Variants in LTBP1 observed in about 807,000 individuals in gnomAD.
The protein encoded by LTBP1 is latent-transforming growth factor beta-binding protein 1.
Under a neutral mutation model 207.6 loss-of-function variants are expected in LTBP1, and 129 were observed. The ratio of observed to expected loss-of-function variants is 0.62; its 90% CI spans 0.54 to 0.72. The LOEUF is 0.72. Among genes scored for constraint, LTBP1 ranks in the 30% least tolerant of loss-of-function variants. The pLI is 0.00. For missense variants in LTBP1, 2,281 were observed against 2,217.2 expected (o/e 1.03, Z -0.58); for synonymous variants, 963 against 833.7 (o/e 1.16, Z -2.67).
At chr2:32,955,075 C>A (rs1016400885) in intron 2 of LTBP1, among the ~76,000 whole-genome samples, 6 of 152,182 alleles carry the variant, frequency 3.9e-5, no homozygotes, top group Non-Finnish European at 5.9e-5. Context: ...GAATCAAAAT[C>A]TTTGGGGTTT....
intron 24 of LTBP1, among the ~76,000 whole-genome samples, chr2:33,333,668 C>A (rs2149516063): frequency 6.6e-6 from 1 of 152,090 alleles, no homozygotes; most frequent in South Asian, 2.1e-4. Context: ...TTGTAAAGAT[C>A]AAGAGTGTGA....
At position 33,121,623 on chromosome 2, in the gene LTBP1, T is replaced by G. The variant is rs201881155; in HGVS notation, c.1033+10872T>G. Among the ~76,000 whole-genome samples the G allele has an allele frequency of 3.3e-5, 5 of 152,332 alleles. No individual in the cohort carries two copies. In the East Asian group the frequency reaches 9.6e-4, roughly 29 times the overall value. ...ACCAAGAGCTCTTCCTCCCACGCTTTCAGCTTACATTCCATGGAGGAGCTG... is the reference window on the plus strand; with the variant it reads ...ACCAAGAGCTCTTCCTCCCACGCTTGCAGCTTACATTCCATGGAGGAGCTG... On this transcript the variant is annotated intron_variant, in intron 4 of 33. Transcript: ENST00000404816.
chr2:33,211,435 G>C (rs1224664174), intron 7 of LTBP1, among the ~76,000 whole-genome samples: 11 of 152,210 alleles, frequency 7.2e-5, no homozygotes, highest in Non-Finnish European at 1.3e-4. Flanking sequence ...GGTTGATGGA[G>C]TCCCAGTATC....
At chr2:33,005,174 A>C (rs981064482) in intron 2 of LTBP1, among the ~76,000 whole-genome samples, 3 of 152,164 alleles carry the variant, frequency 2.0e-5, no homozygotes, top group Non-Finnish European at 2.9e-5. Context: ...AAGATGACAA[A>C]ATACCTAAAA....
chr2:33,296,516 C>T (rs928442779), intron 20 of LTBP1, among the ~76,000 whole-genome samples: 3 of 152,104 alleles, frequency 2.0e-5, no homozygotes, highest in Non-Finnish European at 4.4e-5. Context: ...GGTTTCCAGA[C>T]ATTGTGTCAT....
chr2:33,094,593 A>G (rs897947872), intron 3 of LTBP1, among the ~76,000 whole-genome samples: 6 of 152,200 alleles, frequency 3.9e-5, no homozygotes, highest in African/African-American at 1.4e-4. Flanking sequence ...CCATTATCAC[A>G]TGAGTTACAG....
intron 2 of LTBP1, among the ~76,000 whole-genome samples, chr2:32,995,484 T>C (rs572222852): frequency 1.3e-5 from 2 of 152,228 alleles, no homozygotes; most frequent in South Asian, 2.1e-4. Context: ...GTGATACTTA[T>C]AAGAACACAT....
chr2:33,005,634 T>C (rs1422548898), intron 2 of LTBP1, among the ~76,000 whole-genome samples: 1 of 147,346 alleles, frequency 6.8e-6, no homozygotes, highest in Non-Finnish European at 1.5e-5. Flanking sequence ...TGTTTCTGGC[T>C]GGAGTGCTGT....
At chr2:33,150,262 G>A (rs2083404940) in intron 5 of LTBP1, among the ~76,000 whole-genome samples, 1 of 152,096 alleles carries the variant, frequency 6.6e-6, no homozygotes, top group South Asian at 2.1e-4. Flanking sequence ...TTTCTTTTGT[G>A]CTTTTTTACT....
chr2:33,329,814 T>C (rs1363382798), intron 24 of LTBP1, among the ~76,000 whole-genome samples: 1 of 152,126 alleles, frequency 6.6e-6, no homozygotes, highest in Non-Finnish European at 1.5e-5. Context: ...TTTTCTGCTG[T>C]CAGTTCTAAC....
intron 32 of LTBP1, among the ~76,000 whole-genome samples, chr2:33,395,872 T>A (rs2095353674): frequency 1.3e-5 from 2 of 151,920 alleles, no homozygotes; most frequent in Admixed American, 6.6e-5. Context: ...ACTGGAGAAT[T>A]ACTTCAAAGG....
chr2:33,337,014 A>G (rs1417806162), intron 24 of LTBP1, among the ~76,000 whole-genome samples: 5 of 152,278 alleles, frequency 3.3e-5, no homozygotes, highest in African/African-American at 1.2e-4. Flanking sequence ...TAAAATTAAA[A>G]CGATTTTAAT....
At chr2:33,008,952 A>C (rs1198400209) in intron 2 of LTBP1, among the ~76,000 whole-genome samples, 1 of 152,238 alleles carries the variant, frequency 6.6e-6, no homozygotes, top group Non-Finnish European at 1.5e-5. Flanking sequence ...CAAGCAAGCC[A>C]GGGTGACCGG....
chr2:33,188,387 A>G (rs1377500911), intron 6 of LTBP1, among the ~76,000 whole-genome samples, 190 bp from the exon 7 acceptor site: 1 of 141,578 alleles, frequency 7.1e-6, no homozygotes, highest in Non-Finnish European at 1.5e-5. Flanking sequence ...AGATCGAGCC[A>G]TTGCACATCA....
At chr2:33,073,281 T>G (rs199859110) in intron 3 of LTBP1, among the ~76,000 whole-genome samples, 7,216 of 48,536 alleles carry the variant, frequency 0.15, 623 homozygotes, top group East Asian at 0.59. Flanking sequence ...CACAGTGTTT[T>G]TTTTGTTTTT....
At chr2:33,361,837 C>A (rs1005141807) in intron 28 of LTBP1, among the ~76,000 whole-genome samples, 2 of 152,084 alleles carry the variant, frequency 1.3e-5, no homozygotes, top group African/African-American at 4.8e-5. Flanking sequence ...CTAGTAGATA[C>A]TTACTAAATA....
chr2:32,966,920 A>G (rs553819904), intron 2 of LTBP1, among the ~76,000 whole-genome samples: 8 of 152,220 alleles, frequency 5.3e-5, no homozygotes, highest in East Asian at 3.9e-4. Flanking sequence ...CTCTTCTTCT[A>G]TCTTCTGAGA....
At chr2:33,055,794 A>G (rs936445168) in intron 3 of LTBP1, among the ~76,000 whole-genome samples, 2 of 152,162 alleles carry the variant, frequency 1.3e-5, no homozygotes, top group African/African-American at 4.8e-5. Context: ...GTACCTGGGT[A>G]GGGCCAAATT....
intron 23 of LTBP1, among the ~76,000 whole-genome samples, chr2:33,310,032 CCA>C (rs1404475457): frequency 1.3e-4 from 20 of 151,514 alleles, no homozygotes; most frequent in Admixed American, 3.9e-4. Flanking sequence ...ACTGCAACCT[CCA>C]CCTCCCAGGT....
Sources: allele counts gnomAD v4.1 joint callset (sites outside exome capture counted in the v4.1 genomes callset), GRCh38; gene constraint gnomAD v4.1.1; transcripts MANE v1.5; gene names NCBI Gene and HGNC (gene_info 2026-07-23, HGNC 2026-07-21).